The following PON2 variants were observed in gnomAD, a reference collection of about 807,000 sequenced individuals.
PON2 encodes the protein paraoxonase 2, also known as serum paraoxonase/arylesterase 2.
PON2 carries 27 observed loss-of-function variants against 36.6 expected under a neutral mutation model. The observed-to-expected ratio is 0.74, with a 90% CI of 0.54 to 1.02. The LOEUF is 1.02. Among genes scored for constraint, PON2 ranks in the 50% least tolerant of loss-of-function variants. The pLI, the probability that PON2 is intolerant of heterozygous loss-of-function variation, is 0.00. For synonymous variants in PON2, 149 were observed against 156.3 expected, an observed-to-expected ratio of 0.95 and a Z score of 0.35; for missense variants, 363 against 421.1, an observed-to-expected ratio of 0.86 and a Z score of 1.21.
At chr7:95,430,011 C>T (rs1789401098) in intron 1 of PON2, among the ~76,000 whole-genome samples, 1 of 152,084 alleles carries the variant, frequency 6.6e-6, no homozygotes, top group Admixed American at 6.5e-5. Flanking sequence ...TTATATTATT[C>T]AATATTTATA....
At chr7:95,411,548 C>A (rs1788924193) in intron 5 of PON2, 105 bp downstream of exon 5, 171 of 1,361,616 alleles carry the variant, frequency 1.3e-4, no homozygotes, top group Admixed American at 3.2e-4. Flanking sequence ...TACATATTAG[C>A]TAATATATAC....
At chr7:95,433,761 A>G (rs1229077409) in intron 1 of PON2, among the ~76,000 whole-genome samples, 1 of 152,060 alleles carries the variant, frequency 6.6e-6, no homozygotes, top group African/African-American at 2.4e-5. Flanking sequence ...TGCACTATAC[A>G]TTTGGCATGG....
intron 7 of PON2, 22 bp from the exon 8 acceptor site, chr7:95,406,269 A>C (rs1470086297): frequency 6.2e-7 from 1 of 1,604,800 alleles, no homozygotes; most frequent in Non-Finnish European, 8.5e-7. Context: ...GAAATTGTCA[A>C]AATCTAAATG....
At chr7:95,421,945 G>A (rs1446964481) in intron 2 of PON2, among the ~76,000 whole-genome samples, 1 of 152,142 alleles carries the variant, frequency 6.6e-6, no homozygotes, top group Non-Finnish European at 1.5e-5. Context: ...CAACTATGAG[G>A]TACTGAGTTT....
intron 1 of PON2, among the ~76,000 whole-genome samples, chr7:95,428,850 T>C (rs1789373115): frequency 6.6e-6 from 1 of 152,138 alleles, no homozygotes; most frequent in Non-Finnish European, 1.5e-5. Flanking sequence ...ATAGATGACA[T>C]TTATTGAGCT....
At chr7:95,434,828 A>T in intron 1 of PON2, 50 bp downstream of exon 1, 1 of 1,521,094 alleles carries the variant, frequency 6.6e-7, no homozygotes, top group South Asian at 1.2e-5. Flanking sequence ...CCACGCGGCC[A>T]CCCCGAGCCT....
In PON2 at chr7:95,407,165, TAATC is replaced by T. The variant is rs1809721968; in HGVS notation, c.696-101_696-98del. The T allele has an allele frequency of 7.7e-6, 6 of 776,766 alleles. No individual in the cohort carries two copies. The South Asian group carries it at 8.2e-5, about 11-fold the overall frequency. 48.1% of individuals were successfully genotyped at this position (776,766 alleles called of 1,614,324 possible). A position where few individuals can be genotyped will look rare whatever the true frequency, so the allele number is the denominator to read the frequency against. On this transcript the variant is annotated intron_variant, in intron 6 of 8. Coordinates refer to ENST00000222572, the MANE Select transcript of PON2 (RefSeq NM_000305.3). ...AAGTCTTAATAACCTGCCAAGAAGT[TAATC>T]AATCATGGGCCCTCAAGGAATGCTT...
At chr7:95,414,907 CTT>C (rs1219462624) in intron 3 of PON2, among the ~76,000 whole-genome samples, 1 of 152,180 alleles carries the variant, frequency 6.6e-6, no homozygotes, top group Non-Finnish European at 1.5e-5. Flanking sequence ...CACAGTATCT[CTT>C]TATTGCCTCA....
Position 95,405,189 on chromosome 7 carries a change from A to G in PON2, c.*141T>C. 2.3e-6 allele frequency: 2 copies of G among 869,600 alleles called. No homozygotes were observed. The highest frequency in any genetic ancestry group is 3.5e-6 in the Non-Finnish European group (2 of 569,946). The allele number at this position is 869,600 out of a possible 1,614,324, so 53.9% of individuals were successfully genotyped here. A position where few individuals can be genotyped will look rare whatever the true frequency, so the allele number is the denominator to read the frequency against. On this transcript the variant is annotated 3_prime_UTR_variant, in exon 9 of 9. Coordinates refer to ENST00000222572, the MANE Select transcript of PON2 (RefSeq NM_000305.3). The stretch of plus-strand genomic sequence containing the variant: ...TGTTAAAAGTGCTCTAAGAACTAAA[A>G]GGGCCGTTCCTTACTGGAATAAAAT...
intron 2 of PON2, among the ~76,000 whole-genome samples, chr7:95,419,501 C>A (rs537689733): frequency 6.6e-6 from 1 of 152,284 alleles, no homozygotes; most frequent in African/African-American, 2.4e-5. Flanking sequence ...ATTACTTTAG[C>A]AATTATCTGT....
chr7:95,414,815 T>G (rs1789022862), intron 3 of PON2, among the ~76,000 whole-genome samples: 1 of 152,254 alleles, frequency 6.6e-6, no homozygotes, highest in Non-Finnish European at 1.5e-5. Flanking sequence ...TTATTCATTC[T>G]GTGTAGGCAA....
intron 2 of PON2, chr7:95,424,170 C>T: frequency 3.0e-6 from 1 of 330,488 alleles, no homozygotes; most frequent in South Asian, 3.1e-5. Context: ...ATAAAGCTTC[C>T]TTCACTAGCT....
intron 3 of PON2, among the ~76,000 whole-genome samples, chr7:95,413,737 C>T (rs1021894792): frequency 2.0e-5 from 3 of 152,080 alleles, no homozygotes; most frequent in African/African-American, 7.2e-5. Flanking sequence ...CATATTTACA[C>T]AAATTTAGGC....
chr7:95,411,222 T>C (rs1424512715), intron 5 of PON2, among the ~76,000 whole-genome samples: 1 of 152,098 alleles, frequency 6.6e-6, no homozygotes, highest in African/African-American at 2.4e-5. Flanking sequence ...AAGCGATTGG[T>C]ATAAAGTCCC....
chr7:95,418,620 T>G (rs755617045), intron 2 of PON2, among the ~76,000 whole-genome samples: 1 of 152,170 alleles, frequency 6.6e-6, no homozygotes, highest in Non-Finnish European at 1.5e-5. Flanking sequence ...TTCAAAACCT[T>G]TTCTGTCTTT....
intron 1 of PON2, among the ~76,000 whole-genome samples, chr7:95,432,636 G>C (rs1313895909): frequency 6.6e-6 from 1 of 152,150 alleles, no homozygotes; most frequent in Non-Finnish European, 1.5e-5. Flanking sequence ...TAATAAGCTT[G>C]TGAATTTTGG....
intron 2 of PON2, among the ~76,000 whole-genome samples, chr7:95,417,727 C>CACACACACACACACACACACACACA (rs1562788872): frequency 1.2e-5 from 1 of 80,212 alleles, no homozygotes; most frequent in African/African-American, 5.4e-5. Context: ...ACACACACAC[C>CACACACACACACACACACACACACA]GAGAGAGAAT....
At chr7:95,410,199 A>C in intron 5 of PON2, 98 bp from the exon 6 acceptor site, 2 of 1,029,834 alleles carry the variant, frequency 1.9e-6, no homozygotes, top group Non-Finnish European at 2.9e-6. Context: ...ATGTGCTTTA[A>C]ATTTTTGGTA....
intron 2 of PON2, chr7:95,424,306 A>C (rs549014333): frequency 1.7e-4 from 98 of 582,218 alleles, no homozygotes; most frequent in African/African-American, 1.6e-3. Context: ...AGAATTACAC[A>C]CAAAAAAGAA....
Sources: allele counts gnomAD v4.1 joint callset (sites outside exome capture counted in the v4.1 genomes callset), GRCh38; gene constraint gnomAD v4.1.1; transcripts MANE v1.5; gene names NCBI Gene and HGNC (gene_info 2026-07-23, HGNC 2026-07-21).